Variants in OR2A5 observed in about 807,000 individuals in gnomAD.
OR2A5 encodes olfactory receptor 2A5.
Under a neutral mutation model 1.9 loss-of-function variants are expected in OR2A5, and 2 were observed. That is an observed-to-expected ratio of 1.04 (90% confidence interval 0.43 to 3.28). The LOEUF (loss-of-function observed/expected upper bound fraction) is 3.28. Among genes scored for constraint, OR2A5 ranks in the 30% most tolerant of loss-of-function variants. The pLI is 0.08. For missense variants in OR2A5, 391 were observed against 375.9 expected (o/e 1.04, Z -0.33); for synonymous variants, 160 against 154.5 (o/e 1.04, Z -0.26).
rs2050932392 is a variant in OR2A5 at position 144,055,458 on chromosome 7, G to C, written c.*4121G>C. 1 of 152,040 alleles carries C rather than the reference G, an allele frequency of 6.6e-6. No individual in the cohort carries two copies. The highest frequency in any genetic ancestry group is 1.5e-5 in the Non-Finnish European group (1 of 68,026). 9.4% of individuals were successfully genotyped at this position (152,040 alleles called of 1,614,324 possible). A position where few individuals can be genotyped will look rare whatever the true frequency, so the allele number is the denominator to read the frequency against. On this transcript the variant is annotated 3_prime_UTR_variant, in exon 2 of 2. Coordinates refer to ENST00000641693, the MANE Select transcript of OR2A5 (RefSeq NM_012365.2). ...TTTTTCATCTTTTTAATGAGGGGCGGAGTTTAACCTGATTTTAAACAAACT... is the reference window on the plus strand; with the variant it reads ...TTTTTCATCTTTTTAATGAGGGGCGCAGTTTAACCTGATTTTAAACAAACT...
chr7:144,053,780 G>A lies in OR2A5; in HGVS notation c.*2443G>A, dbSNP rs530817938. ...CTTAACACCAGAAAGAATACATCCT[G>A]TAGCCAACCCATCTTTGGAGGATTC... On this transcript the variant is annotated 3_prime_UTR_variant, in exon 2 of 2. Coordinates refer to ENST00000641693, the MANE Select transcript of OR2A5 (RefSeq NM_012365.2). 6.6e-6 allele frequency: 1 copy of A among 152,230 alleles called. No individual in the cohort carries two copies. Among genetic ancestry groups the A allele is most frequent in the African/African-American group, 2.4e-5 (1 of 41,450 alleles). 9.4% of individuals were successfully genotyped at this position (152,230 alleles called of 1,614,324 possible).
Position 144,053,485 on chromosome 7 carries a change from T to A in OR2A5, c.*2148T>A, listed in dbSNP as rs1337037529. On this transcript the variant is annotated 3_prime_UTR_variant, in exon 2 of 2. Transcript: ENST00000641693. The stretch of plus-strand genomic sequence containing the variant: ...TTCACAAATGTTACCCCGTTTATCT[T>A]GCATAAACATCACAATGGAGTCGCT... The A allele has an allele frequency of 1.3e-5, 2 of 152,224 alleles. No individual in the cohort carries two copies. Among genetic ancestry groups the A allele is most frequent in the African/African-American group, 4.8e-5 (2 of 41,460 alleles). 9.4% of individuals were successfully genotyped at this position (152,224 alleles called of 1,614,324 possible). A position where few individuals can be genotyped will look rare whatever the true frequency, so the allele number is the denominator to read the frequency against.
At chr7:144,049,539 G>A (rs2050885930) in intron 1 of OR2A5, among the ~76,000 whole-genome samples, 1 of 152,198 alleles carries the variant, frequency 6.6e-6, no homozygotes, top group African/African-American at 2.4e-5. Flanking sequence ...CATCCAACAA[G>A]TGTAGTGGGC....
Position 144,056,295 on chromosome 7 carries a change from C to G in OR2A5, c.*4958C>G, listed in dbSNP as rs2050939013. ...GTAGCTAGCTGAAGACTTGTGAGAACCCAGGCCCTGCGCTGCAACCAAATG... is the reference window on the plus strand; with the variant it reads ...GTAGCTAGCTGAAGACTTGTGAGAAGCCAGGCCCTGCGCTGCAACCAAATG... On this transcript the variant is annotated 3_prime_UTR_variant, in exon 2 of 2. Coordinates refer to ENST00000641693, the MANE Select transcript of OR2A5 (RefSeq NM_012365.2). 1.3e-5 allele frequency: 2 copies of G among 152,324 alleles called. No homozygotes were observed. The highest frequency in any genetic ancestry group is 2.9e-5 in the Non-Finnish European group (2 of 68,166). The allele number at this position is 152,324 out of a possible 1,614,324, so 9.4% of individuals were successfully genotyped here. A position where few individuals can be genotyped will look rare whatever the true frequency, so the allele number is the denominator to read the frequency against.
rs549232101 is a variant in OR2A5, at chr7:144,054,679, C to A, written c.*3342C>A. ...GGTGTTCATTGTTCCTGCTAGTAGA[C>A]AAAACTGTAAGAAGAATCCTACATA... On this transcript the variant is annotated 3_prime_UTR_variant, in exon 2 of 2. Transcript: ENST00000641693. 2.6e-5 allele frequency: 4 copies of A among 152,236 alleles called. No individual in the cohort carries two copies. In the East Asian group the frequency reaches 7.7e-4, roughly 29 times the overall value. The allele number at this position is 152,236 out of a possible 1,614,324, so 9.4% of individuals were successfully genotyped here.
At position 144,052,793 on chromosome 7, in the gene OR2A5, C is replaced by G. The variant is rs902881303; in HGVS notation, c.*1456C>G. The G allele has an allele frequency of 6.6e-6, 1 of 151,884 alleles. No individual in the cohort carries two copies. The highest frequency in any genetic ancestry group is 2.4e-5 in the African/African-American group (1 of 41,356). 9.4% of individuals were successfully genotyped at this position (151,884 alleles called of 1,614,324 possible). A position where few individuals can be genotyped will look rare whatever the true frequency, so the allele number is the denominator to read the frequency against. ...CTTGCTCTGCCCCTCCCAAAGAGAG[C>G]AATTTGAATTTAAAAAAAAATACTG... On this transcript the variant is annotated 3_prime_UTR_variant, in exon 2 of 2. Transcript: ENST00000641693.
Position 144,058,144 on chromosome 7 carries a change from G to A in OR2A5, c.*6807G>A, listed in dbSNP as rs1015152793. On this transcript the variant is annotated 3_prime_UTR_variant, in exon 2 of 2. Coordinates refer to ENST00000641693, the MANE Select transcript of OR2A5 (RefSeq NM_012365.2). ...CAAGGCTGTTGTCCTAGTGATTACA[G>A]CCACATGAGTCACTGGTCAGCTCAG... is the stretch of plus-strand genomic sequence containing the variant. 5 of 152,218 alleles carry A rather than the reference G, an allele frequency of 3.3e-5. No individual in the cohort carries two copies. The highest frequency in any genetic ancestry group is 9.6e-5 in the African/African-American group (4 of 41,452). 9.4% of individuals were successfully genotyped at this position (152,218 alleles called of 1,614,324 possible). A position where few individuals can be genotyped will look rare whatever the true frequency, so the allele number is the denominator to read the frequency against.
At position 144,057,391 on chromosome 7, in the gene OR2A5, A is replaced by G. The variant is rs1490635820; in HGVS notation, c.*6054A>G. 2 of 152,216 alleles carry G rather than the reference A, an allele frequency of 1.3e-5. No individual in the cohort carries two copies. Among genetic ancestry groups the G allele is most frequent in the African/African-American group, 4.8e-5 (2 of 41,462 alleles). The allele number at this position is 152,216 out of a possible 1,614,324, so 9.4% of individuals were successfully genotyped here. A position where few individuals can be genotyped will look rare whatever the true frequency, so the allele number is the denominator to read the frequency against. On this transcript the variant is annotated 3_prime_UTR_variant, in exon 2 of 2. Transcript: ENST00000641693. ...GCTAAACACATGAATTCTCAGAACA[A>G]AAGATACTCTGAGTATCAAGCTACA...
rs971477421 is a variant in OR2A5, at chr7:144,050,643, T to G, written c.242T>G (p.Leu81Arg). The G allele has an allele frequency of 6.2e-6, 10 of 1,613,820 alleles. No homozygotes were observed. In the African/African-American group the frequency reaches 1.3e-4, roughly 22 times the overall value. Residue 81 changes from leucine to arginine, a missense_variant, in exon 2 of 2, where the codon CTG becomes CGG. Transcript: ENST00000641693. ...SYASNNVPKM[L>R]TNLGLNKRKT... ...GCTTCCAACAATGTCCCCAAGATGC[T>G]GACAAACCTTGGCTTGAACAAGAGA...
chr7:144,057,449 A>G lies in OR2A5; in HGVS notation c.*6112A>G, dbSNP rs1332842854. 6.6e-6 allele frequency: 1 copy of G among 152,224 alleles called. No homozygotes were observed. 9.4% of individuals were successfully genotyped at this position (152,224 alleles called of 1,614,324 possible). ...AAATAAATTAATATCTAGACATATC[A>G]TAATGAAAGCACAGAACATTAAGGA... On this transcript the variant is annotated 3_prime_UTR_variant, in exon 2 of 2. Transcript: ENST00000641693.
rs1199623869 is a variant in OR2A5, at chr7:144,049,016, C to T, written c.-169C>T. The T allele has an allele frequency of 1.3e-5, 2 of 152,436 alleles. No individual in the cohort carries two copies. Among genetic ancestry groups the T allele is most frequent in the Non-Finnish European group, 2.9e-5 (2 of 68,206 alleles). The allele number at this position is 152,436 out of a possible 1,614,324, so 9.4% of individuals were successfully genotyped here. A position where few individuals can be genotyped will look rare whatever the true frequency, so the allele number is the denominator to read the frequency against. The stretch of plus-strand genomic sequence containing the variant: ...TCCTGCATCTGGAAATTCCTTCTCT[C>T]AGGGGCTGCTGGTGGGAGCAAGATC... On this transcript the variant is annotated 5_prime_UTR_variant, in exon 1 of 2. Coordinates refer to ENST00000641693, the MANE Select transcript of OR2A5 (RefSeq NM_012365.2).
chr7:144,052,473 C>T lies in OR2A5; in HGVS notation c.*1136C>T, dbSNP rs980900632. On this transcript the variant is annotated 3_prime_UTR_variant, in exon 2 of 2. Coordinates refer to ENST00000641693, the MANE Select transcript of OR2A5 (RefSeq NM_012365.2). ...TATTGTGTGAATTCAACTGTATGAC[C>T]CATGATGTTATTACATTATCTGCTG... 2.0e-5 allele frequency: 3 copies of T among 151,978 alleles called. No homozygotes were observed. The highest frequency in any genetic ancestry group is 4.4e-5 in the Non-Finnish European group (3 of 67,990). 9.4% of individuals were successfully genotyped at this position (151,978 alleles called of 1,614,324 possible).
At chr7:144,050,301 A>AC in intron 1 of OR2A5, 50 bp from the exon 2 acceptor site, 1 of 766,832 alleles carries the variant, frequency 1.3e-6, no homozygotes, top group Non-Finnish European at 2.1e-6. Context: ...TGCACCATAA[A>AC]CCCCCTCCTT....
chr7:144,057,260 G>A lies in OR2A5; in HGVS notation c.*5923G>A, dbSNP rs2050948336. 6.6e-6 allele frequency: 1 copy of A among 152,068 alleles called. No homozygotes were observed. The highest frequency in any genetic ancestry group is 1.5e-5 in the Non-Finnish European group (1 of 68,002). 9.4% of individuals were successfully genotyped at this position (152,068 alleles called of 1,614,324 possible). On this transcript the variant is annotated 3_prime_UTR_variant, in exon 2 of 2. Coordinates refer to ENST00000641693, the MANE Select transcript of OR2A5 (RefSeq NM_012365.2). ...ATTTTTTAAGAAAATGGAATAAAAAGCACATAGAATCTAGACTCAGATATA... is the reference window on the plus strand; with the variant it reads ...ATTTTTTAAGAAAATGGAATAAAAAACACATAGAATCTAGACTCAGATATA...
Position 144,054,438 on chromosome 7 carries a change from G to A in OR2A5, c.*3101G>A, listed in dbSNP as rs1250825172. On this transcript the variant is annotated 3_prime_UTR_variant, in exon 2 of 2. Coordinates refer to ENST00000641693, the MANE Select transcript of OR2A5 (RefSeq NM_012365.2). Reference sequence around the variant, plus strand: ...AAGACTAAGAGCTGGTAAAATTCATGACTAAACAACTATAAAACTACAAAA... The same window carrying A: ...AAGACTAAGAGCTGGTAAAATTCATAACTAAACAACTATAAAACTACAAAA... The A allele has an allele frequency of 6.6e-6, 1 of 152,130 alleles. No individual in the cohort carries two copies. Among genetic ancestry groups the A allele is most frequent in the Non-Finnish European group, 1.5e-5 (1 of 68,032 alleles). 9.4% of individuals were successfully genotyped at this position (152,130 alleles called of 1,614,324 possible). A position where few individuals can be genotyped will look rare whatever the true frequency, so the allele number is the denominator to read the frequency against.
In OR2A5 at chr7:144,049,215, A is replaced by C. The variant is rs576316074; in HGVS notation, c.-52+82A>C. The stretch of plus-strand genomic sequence containing the variant: ...AAGGCAGGGCTCCAGAAATCAGTAC[A>C]TTGAATGGGAGATACAGAGGTAATT... On this transcript the variant is annotated intron_variant, in intron 1 of 1. Transcript: ENST00000641693. 3.9e-5 allele frequency: 6 copies of C among 152,410 alleles called. No homozygotes were observed. The East Asian group carries it at 1.2e-3, about 29-fold the overall frequency. The allele number at this position is 152,410 out of a possible 1,614,324, so 9.4% of individuals were successfully genotyped here. A position where few individuals can be genotyped will look rare whatever the true frequency, so the allele number is the denominator to read the frequency against.
rs963552215 is a variant in OR2A5, at chr7:144,052,904, T to C, written c.*1567T>C. The stretch of plus-strand genomic sequence containing the variant: ...AGAGAAAACAGGCAGTATTTTCATA[T>C]AGAAAGGACTTTCTAACTATATCTG... On this transcript the variant is annotated 3_prime_UTR_variant, in exon 2 of 2. Transcript: ENST00000641693. 1.3e-5 allele frequency: 2 copies of C among 152,250 alleles called. No individual in the cohort carries two copies. Among genetic ancestry groups the C allele is most frequent in the Non-Finnish European group, 1.5e-5 (1 of 68,046 alleles). The allele number at this position is 152,250 out of a possible 1,614,324, so 9.4% of individuals were successfully genotyped here. A position where few individuals can be genotyped will look rare whatever the true frequency, so the allele number is the denominator to read the frequency against.
chr7:144,053,358 G>A lies in OR2A5; in HGVS notation c.*2021G>A, dbSNP rs565884259. 5 of 152,008 alleles carry A rather than the reference G, an allele frequency of 3.3e-5. No homozygotes were observed. Among genetic ancestry groups the A allele is most frequent in the East Asian group, 1.9e-4 (1 of 5,172 alleles). 9.4% of individuals were successfully genotyped at this position (152,008 alleles called of 1,614,324 possible). A position where few individuals can be genotyped will look rare whatever the true frequency, so the allele number is the denominator to read the frequency against. On this transcript the variant is annotated 3_prime_UTR_variant, in exon 2 of 2. Coordinates refer to ENST00000641693, the MANE Select transcript of OR2A5 (RefSeq NM_012365.2). The stretch of plus-strand genomic sequence containing the variant: ...CTAATTAAATGTTGGTGTTATGACC[G>A]CTTTATATATACATATTTTCAACAT...
chr7:144,051,609 AG>A lies in OR2A5; in HGVS notation c.*274del, dbSNP rs1289746352. 29 of 396,186 alleles carry A rather than the reference AG, an allele frequency of 7.3e-5. No homozygotes were observed. The highest frequency in any genetic ancestry group is 1.3e-4 in the Non-Finnish European group (29 of 222,034). The allele number at this position is 396,186 out of a possible 1,614,324, so 24.5% of individuals were successfully genotyped here. ...CCAGGATCTGCTTTCTGTTCTTTTG[AG>A]GCTTAGTTCTCTCAAGCTTCCTCTT... is the stretch of plus-strand genomic sequence containing the variant. On this transcript the variant is annotated 3_prime_UTR_variant, in exon 2 of 2. Transcript: ENST00000641693.
Sources: gnomAD v4.1 joint callset for allele counts (sites outside exome capture counted in the v4.1 genomes callset) on GRCh38, gnomAD v4.1.1 for gene constraint, MANE v1.5 for transcripts, NCBI Gene and HGNC (gene_info 2026-07-23, HGNC 2026-07-21) for gene names.